Variants in ALG9 observed in about 807,000 individuals in gnomAD.
The protein encoded by ALG9 is ALG9 alpha-1,2-mannosyltransferase.
A neutral mutation model predicts 81.8 loss-of-function variants in ALG9; 55 were observed. That is an observed-to-expected ratio of 0.67 (90% CI 0.54 to 0.84). The LOEUF is 0.84. Among genes scored for constraint, ALG9 ranks in the 40% least tolerant of loss-of-function variants. The probability of loss-of-function intolerance (pLI) is 0.00; values close to 1 mark genes in which losing one functional copy is unlikely to be tolerated. For synonymous variants in ALG9, 278 were observed against 274.3 expected (o/e 1.01, Z -0.13); for missense variants, 629 against 745.0 (o/e 0.84, Z 1.81).
rs782059508 is a variant in ALG9, at chr11:111,809,789, G to A, written c.1603-16C>T. On this transcript the variant is annotated splice_polypyrimidine_tract_variant and intron_variant, in intron 13 of 14. Coordinates refer to ENST00000616540, the MANE Select transcript of ALG9 (RefSeq NM_024740.2). Reference sequence around the variant, plus strand: ...TGATATCAATCTGAAATGGAGAAAGGCCAACTCTTCATTAGTAATTTTGAA... The same window carrying A: ...TGATATCAATCTGAAATGGAGAAAGACCAACTCTTCATTAGTAATTTTGAA... The A allele has an allele frequency of 4.3e-6, 7 of 1,613,476 alleles. No homozygotes were observed. Among genetic ancestry groups the A allele is most frequent in the Non-Finnish European group, 5.9e-6 (7 of 1,179,684 alleles).
chr11:111,785,878 G>A lies in ALG9; in HGVS notation c.*519C>T, dbSNP rs1946408019. 2 of 373,866 alleles carry A rather than the reference G, an allele frequency of 5.3e-6. No individual in the cohort carries two copies. Among genetic ancestry groups the A allele is most frequent in the Admixed American group, 6.9e-5 (2 of 29,116 alleles). 23.2% of individuals were successfully genotyped at this position (373,866 alleles called of 1,614,324 possible). On this transcript the variant is annotated 3_prime_UTR_variant, in exon 15 of 15. Transcript: ENST00000616540. ...CTTGCTGGAGGTGAAAAGGACATGTGGGTTGGCAACTAGGCTGTGTTCATT... is the reference window on the plus strand; with the variant it reads ...CTTGCTGGAGGTGAAAAGGACATGTAGGTTGGCAACTAGGCTGTGTTCATT...
rs1392208402 is a variant in ALG9 at position 111,837,607 on chromosome 11, C to T, written c.1333G>A (p.Gly445Arg). The T allele has an allele frequency of 2.5e-6, 4 of 1,613,894 alleles. No homozygotes were observed. The Admixed American group carries it at 5.0e-5, about 20-fold the overall frequency. Residue 445 changes from glycine to arginine, a missense_variant, in exon 12 of 15, where the codon GGG becomes AGG. Gly to Arg is a moderately radical substitution (Grantham distance 125, BLOSUM62 -2). Coordinates refer to ENST00000616540, the MANE Select transcript of ALG9 (RefSeq NM_024740.2). ...AATTCTGGATACAAATCAAGGGGCC[C>T]GTGATATCCTGGAAGGGAGAACAGT... The part of the protein sequence containing the change: ...RSVALFRGYH[G>R]PLDLYPEFYR...
At chr11:111,817,855 C>A (rs993363725) in intron 13 of ALG9, among the ~76,000 whole-genome samples, 1 of 150,930 alleles carries the variant, frequency 6.6e-6, no homozygotes. Context: ...CGGCTCACTG[C>A]AACCTCCACC....
intron 13 of ALG9, among the ~76,000 whole-genome samples, chr11:111,827,400 C>T (rs1422810143): frequency 2.6e-5 from 4 of 151,914 alleles, no homozygotes; most frequent in Non-Finnish European, 4.4e-5. Flanking sequence ...CACTTGAACC[C>T]GGTAGTGGGA....
In ALG9 at chr11:111,858,205, G is replaced by A. The variant is rs188009074; in HGVS notation, c.566-468C>T. 4.6e-3 allele frequency among the ~76,000 whole-genome samples: 699 copies of A among 152,200 alleles called. 4 individuals carry two copies. The highest frequency in any genetic ancestry group is 7.4e-3 in the Non-Finnish European group (502 of 67,990). On this transcript the variant is annotated intron_variant, in intron 5 of 14. Transcript: ENST00000616540. ...CTGTCTCGACCTCCCAAAGTACCGG[G>A]ATTACAGGCGTGAACCACCGCACCT... is the stretch of plus-strand genomic sequence containing the variant.
intron 14 of ALG9, among the ~76,000 whole-genome samples, chr11:111,799,179 G>A (rs554910465): frequency 5.3e-5 from 8 of 152,120 alleles, no homozygotes; most frequent in South Asian, 4.2e-4. Context: ...AGACAGTCTC[G>A]CTCTGTCACC....
intron 8 of ALG9, among the ~76,000 whole-genome samples, chr11:111,848,590 CA>C (rs60317912): frequency 0.03 from 1,489 of 50,228 alleles, 17 homozygotes; most frequent in South Asian, 0.077. Context: ...AACTCCATCT[CA>C]AAAAAAAAAA....
chr11:111,796,350 T>C (rs1555075325), intron 14 of ALG9, among the ~76,000 whole-genome samples: 3 of 152,218 alleles, frequency 2.0e-5, no homozygotes, highest in Non-Finnish European at 2.9e-5. Context: ...GCTGCCTGCT[T>C]AGGCTAAGCC....
chr11:111,865,229 C>T lies in ALG9; in HGVS notation c.428G>A (p.Arg143Gln), dbSNP rs368511113. 4.5e-6 allele frequency: 7 copies of T among 1,551,886 alleles called. No homozygotes were observed. Among genetic ancestry groups the T allele is most frequent in the African/African-American group, 2.7e-5 (2 of 72,872 alleles). Reference sequence around the variant, plus strand: ...ACAGCTCACAAAAGCCAGAAGACATCGCAAAAAGTAAAACACAAGAATCTA... The same window carrying T: ...ACAGCTCACAAAAGCCAGAAGACATTGCAAAAAGTAAAACACAAGAATCTA... ...TNKILVFYFL[R>Q]CLLAFVSCIC... Residue 143 changes from arginine to glutamine, a missense_variant, in exon 4 of 15, where the codon CGA (arginine) becomes CAA (glutamine). By Grantham distance (43) the Arg-to-Gln change is conservative (BLOSUM62 1). Transcript: ENST00000616540.
intron 13 of ALG9, among the ~76,000 whole-genome samples, chr11:111,810,929 C>T (rs1308419457): frequency 6.6e-6 from 1 of 152,162 alleles, no homozygotes; most frequent in African/African-American, 2.4e-5. Context: ...TGCTTGCTGT[C>T]ACTACTCTGT....
chr11:111,866,762 C>T (rs575996272), intron 3 of ALG9, among the ~76,000 whole-genome samples: 90 of 151,682 alleles, frequency 5.9e-4, no homozygotes, highest in African/African-American at 2.0e-3. Context: ...GAGCCCTTCA[C>T]CCTTTATTAT....
chr11:111,856,975 C>T (rs1007107543), intron 6 of ALG9, among the ~76,000 whole-genome samples: 9 of 152,098 alleles, frequency 5.9e-5, no homozygotes, highest in East Asian at 3.9e-4. Flanking sequence ...GGTGTGGTGG[C>T]GCACGCCTGT....
At position 111,782,814 on chromosome 11, in the gene ALG9, A is replaced by C. The variant is rs1312406203; in HGVS notation, c.*3583T>G. 1.3e-5 allele frequency: 2 copies of C among 152,246 alleles called. No homozygotes were observed. The highest frequency in any genetic ancestry group is 2.9e-5 in the Non-Finnish European group (2 of 68,042). 9.4% of individuals were successfully genotyped at this position (152,246 alleles called of 1,614,324 possible). A position where few individuals can be genotyped will look rare whatever the true frequency, so the allele number is the denominator to read the frequency against. On this transcript the variant is annotated 3_prime_UTR_variant, in exon 15 of 15. Coordinates refer to ENST00000616540, the MANE Select transcript of ALG9 (RefSeq NM_024740.2). ...TTTCAAGGTTCTTTCCTAGAACTCC[A>C]AAGTTGGAAAAATGACCCAGATAAA... is the stretch of plus-strand genomic sequence containing the variant.
intron 10 of ALG9, among the ~76,000 whole-genome samples, chr11:111,839,238 T>G (rs1440947697): frequency 1.3e-5 from 2 of 152,128 alleles, no homozygotes; most frequent in Admixed American, 1.3e-4. Context: ...ACTCAGAACA[T>G]TCTACAGCTA....
intron 6 of ALG9, 71 bp downstream of exon 6, chr11:111,857,531 T>C (rs1275994418): frequency 1.4e-5 from 22 of 1,599,606 alleles, no homozygotes; most frequent in South Asian, 1.2e-4. Flanking sequence ...GCAGACAATA[T>C]GGAGCTAATC....
intron 11 of ALG9, among the ~76,000 whole-genome samples, 169 bp from the exon 12 acceptor site, chr11:111,837,784 A>C (rs1955561911): frequency 6.6e-6 from 1 of 152,208 alleles, no homozygotes; most frequent in South Asian, 2.1e-4. Flanking sequence ...ATGTCTCTCT[A>C]GCTGGGAACA....
chr11:111,867,643 C>T (rs1224126189), intron 3 of ALG9, among the ~76,000 whole-genome samples: 5 of 152,126 alleles, frequency 3.3e-5, no homozygotes, highest in South Asian at 2.1e-4. Context: ...AAAGAAATTA[C>T]TCAATGTGAA....
At chr11:111,841,295 T>C (rs900022308) in intron 9 of ALG9, among the ~76,000 whole-genome samples, 13 of 152,148 alleles carry the variant, frequency 8.5e-5, no homozygotes, top group Admixed American at 3.3e-4. Flanking sequence ...AAAACAAAAT[T>C]GTTGGATTCT....
At chr11:111,775,864 C>T in the ALG9 span, among the ~76,000 whole-genome samples, 2 of 152,136 alleles carry the variant, frequency 1.3e-5, no homozygotes, top group African/African-American at 2.4e-5. Flanking sequence ...CTATAAGTCA[C>T]GGTTAAAAGA....
Sources: gnomAD v4.1 joint callset for allele counts (sites outside exome capture counted in the v4.1 genomes callset) on GRCh38, gnomAD v4.1.1 for gene constraint, MANE v1.5 for transcripts, NCBI Gene and HGNC (gene_info 2026-07-23, HGNC 2026-07-21) for gene names.